The following CACNA2D3 variants were observed in gnomAD, a reference collection of about 807,000 sequenced individuals.
CACNA2D3 encodes the protein calcium voltage-gated channel auxiliary subunit alpha2delta 3, also known as voltage-dependent calcium channel subunit alpha-2/delta-3.
In CACNA2D3, 60 loss-of-function variants were observed where a neutral mutation model predicts 160.6. The ratio of observed to expected loss-of-function variants is 0.37; its 90% CI spans 0.30 to 0.46. The LOEUF (loss-of-function observed/expected upper bound fraction) is 0.46. CACNA2D3 is among the 20% of genes least tolerant of loss of function. The pLI, the probability that CACNA2D3 is intolerant of heterozygous loss-of-function variation, is 1.00. For missense variants in CACNA2D3, 1,205 were observed against 1,365.0 expected (o/e 0.88, Z 1.85); for synonymous variants, 558 against 492.9 (o/e 1.13, Z -1.75).
intron 31 of CACNA2D3, among the ~76,000 whole-genome samples, chr3:55,003,534 G>T (rs570114111): frequency 6.6e-6 from 1 of 152,224 alleles, no homozygotes; most frequent in Non-Finnish European, 1.5e-5. Context: ...TAGTAGAATG[G>T]TTACCCAGTA....
intron 5 of CACNA2D3, among the ~76,000 whole-genome samples, chr3:54,531,681 C>T (rs79241345): frequency 2.7e-4 from 41 of 152,256 alleles, no homozygotes; most frequent in Non-Finnish European, 3.5e-4. Context: ...TTCGGAATGT[C>T]GGAAGTCATC....
chr3:54,366,557 A>G (rs1698831124), intron 3 of CACNA2D3, among the ~76,000 whole-genome samples: 1 of 152,244 alleles, frequency 6.6e-6, no homozygotes, highest in South Asian at 2.1e-4. Context: ...TTGGATTCGC[A>G]GGAGATGTGC....
chr3:55,074,285 T>A lies in CACNA2D3; in HGVS notation c.*79T>A. On this transcript the variant is annotated 3_prime_UTR_variant, in exon 38 of 38. Transcript: ENST00000474759. ...CATGGATAAACTGTGAACCAAAATA[T>A]GGTGCAACATACGAGACATGAATAT... The A allele has an allele frequency of 9.0e-7, 1 of 1,114,282 alleles. No individual in the cohort carries two copies. The highest frequency in any genetic ancestry group is 1.4e-6 in the Non-Finnish European group (1 of 725,614). The allele number at this position is 1,114,282 out of a possible 1,614,324, so 69.0% of individuals were successfully genotyped here.
Position 54,462,389 on chromosome 3 carries a change from A to G in CACNA2D3, c.382-41103A>G, listed in dbSNP as rs1023495369. Among the ~76,000 whole-genome samples, 12 of 152,258 alleles carry G rather than the reference A, an allele frequency of 7.9e-5. No individual in the cohort carries two copies. The East Asian group carries it at 2.3e-3, about 29-fold the overall frequency. On this transcript the variant is annotated intron_variant, in intron 4 of 37. Transcript: ENST00000474759. ...TGACAGTGGGGTGTTAACATCTCCC[A>G]TTACTATTGTGTGGGAGTCTAAGTC...
At chr3:54,574,040 G>A (rs1307717059) in intron 8 of CACNA2D3, among the ~76,000 whole-genome samples, 3 of 152,108 alleles carry the variant, frequency 2.0e-5, no homozygotes, top group South Asian at 2.1e-4. Flanking sequence ...CATCCAGAAC[G>A]CCCTGCAAAT....
chr3:54,147,922 T>C (rs1654518955), intron 2 of CACNA2D3, among the ~76,000 whole-genome samples: 1 of 152,222 alleles, frequency 6.6e-6, no homozygotes, highest in Admixed American at 6.5e-5. Flanking sequence ...TTCTCCTGCC[T>C]CAGCCCCCCG....
At chr3:54,861,241 G>A (rs1699285066) in intron 17 of CACNA2D3, among the ~76,000 whole-genome samples, 1 of 152,144 alleles carries the variant, frequency 6.6e-6, no homozygotes, top group Non-Finnish European at 1.5e-5. Flanking sequence ...GGTCAGGACA[G>A]ACCTCCAAGA....
In CACNA2D3 at chr3:54,646,183, C is replaced by CTTG. The variant is rs1559537937; in HGVS notation, c.1167+3942_1167+3943insTTG. Among the ~76,000 whole-genome samples the CTTG allele has an allele frequency of 7.4e-3, 126 of 16,916 alleles. 2 individuals are homozygous for CTTG. The highest frequency in any genetic ancestry group is 0.018 in the African/African-American group (112 of 6,082). 11.1% of individuals were successfully genotyped at this position (16,916 alleles called of 152,430 possible). On this transcript the variant is annotated intron_variant, in intron 11 of 37. Transcript: ENST00000474759. ...CCCTCCCTCCCTCCCTCCCTCCCTC[C>CTTG]CTCCTTCCTTGCTTCCTTCCTTCCT...
intron 14 of CACNA2D3, among the ~76,000 whole-genome samples, chr3:54,836,708 T>C (rs1282141521): frequency 6.6e-6 from 1 of 152,176 alleles, no homozygotes; most frequent in Non-Finnish European, 1.5e-5. Flanking sequence ...GGAAAATAAG[T>C]GCATCCAGAT....
At chr3:54,127,692 C>T (rs1191558720) in intron 2 of CACNA2D3, among the ~76,000 whole-genome samples, 1 of 152,142 alleles carries the variant, frequency 6.6e-6, no homozygotes, top group Non-Finnish European at 1.5e-5. Context: ...TGGACTTTTC[C>T]TTAGCAGGTT....
chr3:54,886,352 G>A (rs867953495), intron 23 of CACNA2D3, among the ~76,000 whole-genome samples: 15 of 152,304 alleles, frequency 9.8e-5, no homozygotes, highest in African/African-American at 3.1e-4. Flanking sequence ...ATGCCCTGGT[G>A]GGGAAAGGAT....
At chr3:54,258,986 C>A (rs764678948) in intron 2 of CACNA2D3, among the ~76,000 whole-genome samples, 17 of 152,322 alleles carry the variant, frequency 1.1e-4, no homozygotes, top group Middle Eastern at 6.8e-3. Flanking sequence ...TTAACCTGAT[C>A]ACCATAATTT....
chr3:54,193,713 T>A (rs1559878001), intron 2 of CACNA2D3, among the ~76,000 whole-genome samples: 1 of 152,162 alleles, frequency 6.6e-6, no homozygotes, highest in Non-Finnish European at 1.5e-5. Flanking sequence ...CCAGCCTGGA[T>A]GAGTTTGTTG....
intron 8 of CACNA2D3, among the ~76,000 whole-genome samples, chr3:54,575,920 A>AG (rs146797207): frequency 6.7e-4 from 102 of 151,986 alleles, no homozygotes; most frequent in African/African-American, 2.4e-3. Flanking sequence ...TGGATCACAT[A>AG]GGGGGGTGGG....
chr3:54,751,896 T>C (rs2107067334), intron 11 of CACNA2D3, among the ~76,000 whole-genome samples: 1 of 152,346 alleles, frequency 6.6e-6, no homozygotes, highest in Non-Finnish European at 1.5e-5. Flanking sequence ...TTATCTTTCT[T>C]CCATTTAACC....
At chr3:54,423,533 G>A (rs774570106) in intron 4 of CACNA2D3, among the ~76,000 whole-genome samples, 4 of 152,164 alleles carry the variant, frequency 2.6e-5, no homozygotes, top group Non-Finnish European at 5.9e-5. Context: ...AGCTTGGAGA[G>A]CAATGCTTAT....
At chr3:54,677,809 A>AT in intron 11 of CACNA2D3, among the ~76,000 whole-genome samples, 1 of 152,238 alleles carries the variant, frequency 6.6e-6, no homozygotes, top group East Asian at 1.9e-4. Flanking sequence ...GTAAAGTTTG[A>AT]TTGATTAAGC....
rs397755008 is a variant in CACNA2D3 at position 54,591,567 on chromosome 3, GTT to G, written c.963+9709_963+9710del. Reference sequence around the variant, plus strand: ...TGGGAGAGGACTGTGGTTGAAAAAAGTTTTTTTTTTTTTTTTTTTTCACATCA... The same window carrying G: ...TGGGAGAGGACTGTGGTTGAAAAAAGTTTTTTTTTTTTTTTTTTCACATCA... On this transcript the variant is annotated intron_variant, in intron 9 of 37. Coordinates refer to ENST00000474759, the MANE Select transcript of CACNA2D3 (RefSeq NM_018398.3). Among the ~76,000 whole-genome samples, 139 of 121,344 alleles carry G rather than the reference GTT, an allele frequency of 1.1e-3. 1 individual carries two copies. The highest frequency in any genetic ancestry group is 3.6e-3 in the African/African-American group (118 of 32,532). The allele number at this position is 121,344 out of a possible 152,430, so 79.6% of individuals were successfully genotyped here.
At chr3:54,933,375 A>G (rs559542625) in intron 27 of CACNA2D3, among the ~76,000 whole-genome samples, 2 of 152,294 alleles carry the variant, frequency 1.3e-5, no homozygotes, top group South Asian at 4.2e-4. Flanking sequence ...CCTGGGCTCC[A>G]TGGTGTCATT....
Sources: allele counts gnomAD v4.1 joint callset (sites outside exome capture counted in the v4.1 genomes callset), GRCh38; gene constraint gnomAD v4.1.1; transcripts MANE v1.5; gene names NCBI Gene and HGNC (gene_info 2026-07-23, HGNC 2026-07-21).